The following TBC1D22A variants were observed in gnomAD, a reference collection of about 807,000 sequenced individuals.
TBC1D22A encodes putative GTPase activator.
TBC1D22A carries 38 observed loss-of-function variants against 60.2 expected under a neutral mutation model. The ratio of observed to expected loss-of-function variants is 0.63; its 90% CI spans 0.49 to 0.83. The LOEUF is 0.83. TBC1D22A is among the 40% of genes least tolerant of loss of function. TBC1D22A has a pLI of 0.00. For synonymous variants in TBC1D22A, 302 were observed against 281.7 expected, an observed-to-expected ratio of 1.07 and a Z score of -0.72; for missense variants, 628 against 701.0, an observed-to-expected ratio of 0.90 and a Z score of 1.18.
At chr22:47,054,798 G>C (rs1300742254) in intron 11 of TBC1D22A, among the ~76,000 whole-genome samples, 1 of 152,214 alleles carries the variant, frequency 6.6e-6, no homozygotes, top group Non-Finnish European at 1.5e-5. Flanking sequence ...TGTGGGGCAA[G>C]GGCGAGGGGC....
At chr22:46,836,824 T>TAAA (rs2147187932) in intron 4 of TBC1D22A, among the ~76,000 whole-genome samples, 1 of 151,792 alleles carries the variant, frequency 6.6e-6, no homozygotes, top group South Asian at 2.1e-4. Context: ...AGAGCAGGGG[T>TAAA]GACTATCTTT....
intron 4 of TBC1D22A, among the ~76,000 whole-genome samples, chr22:46,812,520 C>T (rs2085423251): frequency 6.6e-6 from 1 of 152,204 alleles, no homozygotes; most frequent in Non-Finnish European, 1.5e-5. Context: ...ACAGCCTCGT[C>T]AGCCACTCTT....
At chr22:46,909,705 C>A (rs533499307) in intron 7 of TBC1D22A, among the ~76,000 whole-genome samples, 1 of 152,324 alleles carries the variant, frequency 6.6e-6, no homozygotes, top group Admixed American at 6.5e-5. Flanking sequence ...CTGCTCCTGA[C>A]CCTTTTGGGG....
intron 7 of TBC1D22A, among the ~76,000 whole-genome samples, chr22:46,899,308 G>A (rs1364173018): frequency 2.0e-5 from 3 of 152,092 alleles, no homozygotes; most frequent in African/African-American, 4.8e-5. Flanking sequence ...TTAGCCAGGC[G>A]TGGTGGGGCG....
At chr22:46,813,178 T>A (rs2085455873) in intron 4 of TBC1D22A, among the ~76,000 whole-genome samples, 1 of 152,266 alleles carries the variant, frequency 6.6e-6, no homozygotes, top group Admixed American at 6.5e-5. Context: ...GGTTATTTCC[T>A]CAATAAAGTG....
intron 12 of TBC1D22A, among the ~76,000 whole-genome samples, chr22:47,115,575 C>T (rs1042831799): frequency 2.6e-5 from 4 of 152,192 alleles, no homozygotes; most frequent in Non-Finnish European, 2.9e-5. Flanking sequence ...CCCTCTACCC[C>T]GTCCTTGCCC....
At position 47,142,084 on chromosome 22, in the gene TBC1D22A, G is replaced by C. The variant is rs115750205; in HGVS notation, c.1425+30481G>C. On this transcript the variant is annotated intron_variant, in intron 12 of 12. Coordinates refer to ENST00000337137, the MANE Select transcript of TBC1D22A (RefSeq NM_014346.5). ...CTGGCCCCTGTGGCTCTTTGCCAAG[G>C]TCAGCTCCTCATAGGACTAGCTCCC... Among the ~76,000 whole-genome samples, 410 of 152,266 alleles carry C rather than the reference G, an allele frequency of 2.7e-3. 2 individuals are homozygous for C. The highest frequency in any genetic ancestry group is 9.5e-3 in the African/African-American group (396 of 41,540).
chr22:46,906,069 C>T (rs543504535), intron 7 of TBC1D22A, among the ~76,000 whole-genome samples: 4 of 152,168 alleles, frequency 2.6e-5, no homozygotes, highest in African/African-American at 9.6e-5. Context: ...CTGGGACCTG[C>T]GACCTGCGTT....
At chr22:46,772,944 A>G (rs556554497) in intron 1 of TBC1D22A, among the ~76,000 whole-genome samples, 9 of 152,072 alleles carry the variant, frequency 5.9e-5, no homozygotes, top group Non-Finnish European at 1.0e-4. Flanking sequence ...CACTTCCTTT[A>G]TCCACTTGTT....
chr22:46,935,669 G>A (rs2071607722), intron 8 of TBC1D22A, among the ~76,000 whole-genome samples: 1 of 152,218 alleles, frequency 6.6e-6, no homozygotes, highest in African/African-American at 2.4e-5. Flanking sequence ...GCTATGGGCC[G>A]TCTGTGGGCT....
chr22:46,867,807 C>T (rs985288587), intron 4 of TBC1D22A, among the ~76,000 whole-genome samples: 2 of 152,236 alleles, frequency 1.3e-5, no homozygotes, highest in African/African-American at 4.8e-5. Context: ...CAAAGAGACA[C>T]TTAAAAGACA....
intron 11 of TBC1D22A, among the ~76,000 whole-genome samples, chr22:47,090,651 G>A (rs1238912481): frequency 6.6e-6 from 1 of 152,168 alleles, no homozygotes; most frequent in African/African-American, 2.4e-5. Context: ...GGTCTGGGTC[G>A]GTTGCAGTTG....
intron 8 of TBC1D22A, among the ~76,000 whole-genome samples, chr22:46,968,549 C>G (rs1404469384): frequency 1.3e-5 from 2 of 149,060 alleles, no homozygotes; most frequent in African/African-American, 2.5e-5. Flanking sequence ...GCCGGCGGTC[C>G]TGAGTGGGAG....
intron 1 of TBC1D22A, among the ~76,000 whole-genome samples, chr22:46,789,867 C>A (rs1418696287): frequency 6.6e-6 from 1 of 151,936 alleles, no homozygotes; most frequent in Non-Finnish European, 1.5e-5. Flanking sequence ...AGGAACGAGC[C>A]CTCTAGAAGG....
intron 11 of TBC1D22A, among the ~76,000 whole-genome samples, chr22:47,041,570 G>T (rs954267724): frequency 5.3e-5 from 8 of 152,208 alleles, no homozygotes; most frequent in Non-Finnish European, 1.0e-4. Context: ...AGGTTTATTT[G>T]AGTATTTCAC....
chr22:47,164,935 C>T (rs1041035300), intron 12 of TBC1D22A, among the ~76,000 whole-genome samples: 9 of 152,172 alleles, frequency 5.9e-5, no homozygotes, highest in Non-Finnish European at 1.0e-4. Context: ...GTAGGATCAA[C>T]GATCTTTGAC....
chr22:47,013,335 CTT>C (rs1467284442), intron 10 of TBC1D22A, among the ~76,000 whole-genome samples: 1 of 152,006 alleles, frequency 6.6e-6, no homozygotes, highest in African/African-American at 2.4e-5. Context: ...GTGATGATAT[CTT>C]TGTGACTCTC....
chr22:47,097,490 T>C (rs557109713), intron 11 of TBC1D22A, among the ~76,000 whole-genome samples: 3 of 152,172 alleles, frequency 2.0e-5, no homozygotes, highest in African/African-American at 7.2e-5. Context: ...GGTGGGCACC[T>C]GTTATCCCAG....
rs1482059495 is a variant in TBC1D22A at position 47,079,078 on chromosome 22, A to G, written c.1330-32430A>G. Among the ~76,000 whole-genome samples the G allele has an allele frequency of 3.6e-5, 5 of 140,688 alleles. No individual in the cohort carries two copies. In the East Asian group the frequency reaches 8.4e-4, roughly 24 times the overall value. The allele number at this position is 140,688 out of a possible 152,430, so 92.3% of individuals were successfully genotyped here. On this transcript the variant is annotated intron_variant, in intron 11 of 12. Transcript: ENST00000337137. ...ATTGAGTGGGTAAGTGAGAATGTAGAGCAGACTTTTTTTTTTTTTTTTTTT... is the reference window on the plus strand; with the variant it reads ...ATTGAGTGGGTAAGTGAGAATGTAGGGCAGACTTTTTTTTTTTTTTTTTTT...
Sources: gnomAD v4.1 joint callset for allele counts (sites outside exome capture counted in the v4.1 genomes callset) on GRCh38, gnomAD v4.1.1 for gene constraint, MANE v1.5 for transcripts, NCBI Gene and HGNC (gene_info 2026-07-23, HGNC 2026-07-21) for gene names.